Variants in MSH3 observed in about 807,000 individuals in gnomAD.
The protein encoded by MSH3 is DNA mismatch repair protein Msh3.
A neutral mutation model predicts 123.3 loss-of-function variants in MSH3; 106 were observed. The observed-to-expected ratio is 0.86, with a 90% CI of 0.73 to 1.01. The LOEUF (loss-of-function observed/expected upper bound fraction) is 1.01. Ranked by LOEUF, MSH3 falls within the 50% of genes least tolerant of loss-of-function variation. The pLI is 0.00. For missense variants in MSH3, 1,459 were observed against 1,347.6 expected (o/e 1.08, Z -1.29); for synonymous variants, 515 against 481.4 (o/e 1.07, Z -0.91).
At chr5:80,693,622 TATAC>T (rs1385141498) in intron 8 of MSH3, among the ~76,000 whole-genome samples, 1 of 96,316 alleles carries the variant, frequency 1.0e-5, no homozygotes, top group Non-Finnish European at 2.1e-5. Context: ...CACACACACA[TATAC>T]ACACACACAC....
At chr5:80,784,367 A>G (rs1744467475) in intron 17 of MSH3, among the ~76,000 whole-genome samples, 1 of 151,980 alleles carries the variant, frequency 6.6e-6, no homozygotes, top group Non-Finnish European at 1.5e-5. Context: ...GGTCAATGCA[A>G]CATGTGGCAT....
chr5:80,688,228 A>G (rs1417502390), intron 8 of MSH3, among the ~76,000 whole-genome samples: 2 of 152,348 alleles, frequency 1.3e-5, no homozygotes, highest in East Asian at 1.9e-4. Context: ...TTGAACACAT[A>G]AGTGCTTCCT....
At chr5:80,656,925 T>G (rs1459182405) in intron 2 of MSH3, among the ~76,000 whole-genome samples, 2 of 152,156 alleles carry the variant, frequency 1.3e-5, no homozygotes, top group South Asian at 4.1e-4. Context: ...ACTTCCAGAT[T>G]TTAAAAATTT....
At chr5:80,693,603 A>G (rs888121741) in intron 8 of MSH3, among the ~76,000 whole-genome samples, 1 of 45,840 alleles carries the variant, frequency 2.2e-5, no homozygotes, top group African/African-American at 8.8e-5. Flanking sequence ...ATATAAACAT[A>G]CATATATACA....
intron 20 of MSH3, among the ~76,000 whole-genome samples, chr5:80,824,844 G>T (rs1165326283): frequency 6.6e-6 from 1 of 152,010 alleles, no homozygotes; most frequent in East Asian, 1.9e-4. Flanking sequence ...TCTTTTTAAT[G>T]ACTGCAGTGT....
At chr5:80,796,733 C>T (rs972311952) in intron 19 of MSH3, among the ~76,000 whole-genome samples, 3 of 151,962 alleles carry the variant, frequency 2.0e-5, no homozygotes, top group African/African-American at 4.8e-5. Flanking sequence ...ACTTTCTGCC[C>T]GCTTTTCCTC....
At position 80,709,209 on chromosome 5, in the gene MSH3, ATGTGTGTG is replaced by A. The variant is rs139977038; in HGVS notation, c.1341-16216_1341-16209del. Among the ~76,000 whole-genome samples the A allele has an allele frequency of 3.4e-4, 50 of 147,116 alleles. 1 individual carries two copies. In the South Asian group the frequency reaches 7.9e-3, roughly 23 times the overall value. On this transcript the variant is annotated intron_variant, in intron 8 of 23. Transcript: ENST00000265081. Reference sequence around the variant, plus strand: ...CATTAGCGATGAATATAAAATAGATATGTGTGTGTGTGTGTGTGTGTGTGTGTGTGTGT... The same window carrying A: ...CATTAGCGATGAATATAAAATAGATATGTGTGTGTGTGTGTGTGTGTGTGT...
chr5:80,739,314 C>T (rs1743570269), intron 10 of MSH3, among the ~76,000 whole-genome samples: 1 of 152,228 alleles, frequency 6.6e-6, no homozygotes, highest in Admixed American at 6.5e-5. Flanking sequence ...GAACTCTTGT[C>T]AGCTACATAG....
rs1750263852 is a variant in MSH3 at position 80,691,849 on chromosome 5, A to ATATAGATAAATAAACATGTATATG, written c.1340+12757_1340+12758insATAGATAAATAAACATGTATATGT. On this transcript the variant is annotated intron_variant, in intron 8 of 23. Coordinates refer to ENST00000265081, the MANE Select transcript of MSH3 (RefSeq NM_002439.5). The stretch of plus-strand genomic sequence containing the variant: ...TATATAGATAAATAAACATGTATAT[A>ATATAGATAAATAAACATGTATATG]TTTATATAGCTAAACATGTATGTTT... 5.5e-5 allele frequency among the ~76,000 whole-genome samples: 6 copies of ATATAGATAAATAAACATGTATATG among 109,500 alleles called. 1 individual carries two copies. Among genetic ancestry groups the ATATAGATAAATAAACATGTATATG allele is most frequent in the East Asian group, 8.1e-4 (2 of 2,480 alleles). The allele number at this position is 109,500 out of a possible 152,430, so 71.8% of individuals were successfully genotyped here.
chr5:80,808,538 C>G (rs897209825), intron 19 of MSH3, among the ~76,000 whole-genome samples: 5 of 152,016 alleles, frequency 3.3e-5, no homozygotes, highest in Non-Finnish European at 7.4e-5. Context: ...GGGAAGAAAC[C>G]TGTTTCCCAG....
At position 80,842,022 on chromosome 5, in the gene MSH3, G is replaced by A. The variant is rs545225050; in HGVS notation, c.2814-12108G>A. 2.5e-4 allele frequency among the ~76,000 whole-genome samples: 38 copies of A among 152,194 alleles called. 1 individual carries two copies. The South Asian group carries it at 3.5e-3, about 14-fold the overall frequency. ...TGGTATTGCCTAGGTTTTCTTCTAG[G>A]GTTTTTATGGTTTTAGGTCTTACAT... On this transcript the variant is annotated intron_variant, in intron 20 of 23. Transcript: ENST00000265081.
chr5:80,663,458 G>A (rs1390221693), intron 2 of MSH3, among the ~76,000 whole-genome samples: 1 of 151,650 alleles, frequency 6.6e-6, no homozygotes, highest in Non-Finnish European at 1.5e-5. Flanking sequence ...TGACAAGAAT[G>A]ACCCAATTTA....
chr5:80,706,628 T>C (rs1750729358), intron 8 of MSH3, among the ~76,000 whole-genome samples: 1 of 152,228 alleles, frequency 6.6e-6, no homozygotes. Flanking sequence ...ATTTAGACTA[T>C]TATCATCTCG....
intron 22 of MSH3, among the ~76,000 whole-genome samples, chr5:80,872,502 A>G (rs2112127840): frequency 6.6e-6 from 1 of 151,696 alleles, no homozygotes; most frequent in African/African-American, 2.4e-5. Flanking sequence ...TATTGTATCA[A>G]CCACGTACTA....
chr5:80,830,394 A>T (rs1389833020), intron 20 of MSH3, among the ~76,000 whole-genome samples: 2 of 152,210 alleles, frequency 1.3e-5, no homozygotes, highest in African/African-American at 4.8e-5. Flanking sequence ...AACATTTTAT[A>T]GGAAGAAAAA....
intron 17 of MSH3, among the ~76,000 whole-genome samples, chr5:80,784,269 G>T (rs902133425): frequency 1.6e-5 from 2 of 122,970 alleles, no homozygotes; most frequent in Admixed American, 9.2e-5. Flanking sequence ...AAATAAAGTC[G>T]AAGCCAGAGC....
chr5:80,718,440 C>T (rs900240842), intron 8 of MSH3, among the ~76,000 whole-genome samples: 4 of 151,680 alleles, frequency 2.6e-5, no homozygotes, highest in Admixed American at 1.3e-4. Flanking sequence ...ACGTTTTAAA[C>T]CTCTTTATCT....
chr5:80,764,803 T>C, intron 13 of MSH3, among the ~76,000 whole-genome samples: 1 of 152,206 alleles, frequency 6.6e-6, no homozygotes, highest in East Asian at 1.9e-4. Context: ...GTGAATACAT[T>C]TAAAGGATAA....
In MSH3 at chr5:80,654,875, G is replaced by A. The variant is rs1749198806; in HGVS notation, c.148G>A (p.Gly50Ser). 1 of 1,597,646 alleles carries A rather than the reference G, an allele frequency of 6.3e-7. No homozygotes were observed. Among genetic ancestry groups the A allele is most frequent in the Non-Finnish European group, 8.5e-7 (1 of 1,173,520 alleles). ...AGGTGCAGCCGACCAGGTGGACCCTGGCGCTGCAGCGGCTGCAGCGGCCGC... is the reference window on the plus strand; with the variant it reads ...AGGTGCAGCCGACCAGGTGGACCCTAGCGCTGCAGCGGCTGCAGCGGCCGC... ...STGAADQVDP[G>S]AAAAAAAAAA... The change falls in exon 1 of 24, where the codon GGC (glycine) becomes AGC (serine). Residue 50 changes from glycine (G) to serine (S), a missense_variant. By Grantham distance (56) the Gly-to-Ser change is moderately conservative. Transcript: ENST00000265081.
Sources: gnomAD v4.1 joint callset for allele counts (sites outside exome capture counted in the v4.1 genomes callset) on GRCh38, gnomAD v4.1.1 for gene constraint, MANE v1.5 for transcripts, NCBI Gene and HGNC (gene_info 2026-07-23, HGNC 2026-07-21) for gene names.